Variants in MKLN1 observed in about 807,000 individuals in gnomAD.
MKLN1 encodes muskelin.
MKLN1 carries 18 observed loss-of-function variants against 99.0 expected under a neutral mutation model. The ratio of observed to expected loss-of-function variants is 0.18; its 90% confidence interval spans 0.13 to 0.27. The LOEUF is 0.27. Ranked by LOEUF, MKLN1 falls within the 10% of genes least tolerant of loss-of-function variation. The pLI is 1.00. For synonymous variants in MKLN1, 288 were observed against 293.2 expected (o/e 0.98, Z 0.18); for missense variants, 621 against 875.9 (o/e 0.71, Z 3.67).
chr7:131,165,259 C>T (rs1584802556), intron 2 of MKLN1, among the ~76,000 whole-genome samples: 1 of 152,192 alleles, frequency 6.6e-6, no homozygotes, highest in African/African-American at 2.4e-5. Flanking sequence ...GATCTCTGCT[C>T]ACTGCAACCT....
At chr7:131,369,360 C>T (rs1209887962) in intron 1 of MKLN1, among the ~76,000 whole-genome samples, 1 of 152,128 alleles carries the variant, frequency 6.6e-6, no homozygotes, top group Non-Finnish European at 1.5e-5. Flanking sequence ...TCTTTTCTCC[C>T]TAATTTTCTG....
intron 1 of MKLN1, among the ~76,000 whole-genome samples, chr7:131,134,066 T>G (rs945458358): frequency 8.7e-5 from 13 of 150,166 alleles, no homozygotes; most frequent in Non-Finnish European, 1.3e-4. Context: ...CTGACCTCAG[T>G]TGATCCACCT....
chr7:131,330,103 A>C (rs952069863), intron 1 of MKLN1, among the ~76,000 whole-genome samples: 8 of 151,608 alleles, frequency 5.3e-5, no homozygotes, highest in African/African-American at 1.5e-4. Flanking sequence ...AAATTATAAA[A>C]CTCTTGGCTC....
chr7:131,177,427 C>A (rs1472848198), intron 2 of MKLN1, among the ~76,000 whole-genome samples: 2 of 150,628 alleles, frequency 1.3e-5, no homozygotes, highest in Non-Finnish European at 2.9e-5. Context: ...CAAGATTGTG[C>A]CACTGGACTC....
chr7:131,273,540 T>A (rs183711214), intron 3 of MKLN1, among the ~76,000 whole-genome samples: 140 of 152,264 alleles, frequency 9.2e-4, no homozygotes, highest in African/African-American at 3.2e-3. Context: ...GGACTGTGGT[T>A]CAGCCGGCCA....
At chr7:131,228,381 G>T (rs937972198) in intron 3 of MKLN1, among the ~76,000 whole-genome samples, 4 of 152,176 alleles carry the variant, frequency 2.6e-5, no homozygotes, top group African/African-American at 9.7e-5. Flanking sequence ...GCCTCCCAAA[G>T]TGCTGGGATT....
At chr7:131,249,632 C>T (rs773204904) in intron 3 of MKLN1, among the ~76,000 whole-genome samples, 9 of 152,058 alleles carry the variant, frequency 5.9e-5, no homozygotes, top group Admixed American at 2.6e-4. Context: ...GAGCACTTAC[C>T]TCAAATTGGA....
chr7:131,403,730 G>T (rs1245444938), intron 6 of MKLN1, among the ~76,000 whole-genome samples: 1 of 152,170 alleles, frequency 6.6e-6, no homozygotes, highest in African/African-American at 2.4e-5. Flanking sequence ...GGAACTGCTG[G>T]TTTATGGAGA....
chr7:131,249,934 G>A (rs1278213413), intron 3 of MKLN1, among the ~76,000 whole-genome samples: 1 of 152,164 alleles, frequency 6.6e-6, no homozygotes, highest in Admixed American at 6.5e-5. Context: ...CTGACTTTCT[G>A]TCAGGGAAGG....
chr7:131,249,603 G>A (rs536592864), intron 3 of MKLN1, among the ~76,000 whole-genome samples: 29 of 152,284 alleles, frequency 1.9e-4, no homozygotes, highest in African/African-American at 6.5e-4. Context: ...AGCACAGGAA[G>A]CATTAGGAGA....
chr7:131,463,151 G>T, intron 12 of MKLN1, 66 bp from the exon 13 acceptor site: 1 of 1,324,610 alleles, frequency 7.5e-7, no homozygotes, highest in Non-Finnish European at 1.1e-6. Flanking sequence ...AGAAAGGAAG[G>T]AAGGAAGGAA....
At chr7:131,356,141 A>G (rs547627467) in intron 1 of MKLN1, among the ~76,000 whole-genome samples, 7 of 150,318 alleles carry the variant, frequency 4.7e-5, no homozygotes, top group Non-Finnish European at 1.0e-4. Context: ...CAAGCAAGCG[A>G]CTTGAGAAAC....
intron 2 of MKLN1, among the ~76,000 whole-genome samples, chr7:131,144,812 T>C (rs774255281): frequency 3.3e-5 from 5 of 151,836 alleles, no homozygotes; most frequent in Non-Finnish European, 7.4e-5. Flanking sequence ...ACCCCGTGTC[T>C]ACTAAAAATA....
intron 1 of MKLN1, among the ~76,000 whole-genome samples, chr7:131,370,295 G>A (rs1235838156): frequency 1.3e-5 from 2 of 150,558 alleles, no homozygotes; most frequent in Admixed American, 6.6e-5. Flanking sequence ...TCAGTTTCTG[G>A]GTTTGTGTTT....
intron 2 of MKLN1, among the ~76,000 whole-genome samples, chr7:131,184,788 A>C (rs1796425754): frequency 1.3e-5 from 2 of 152,168 alleles, no homozygotes; most frequent in Admixed American, 1.3e-4. Flanking sequence ...TGGCCTCCAA[A>C]GTGCTGGGAT....
intron 2 of MKLN1, among the ~76,000 whole-genome samples, chr7:131,156,332 C>T (rs1051714663): frequency 6.6e-6 from 1 of 151,328 alleles, no homozygotes; most frequent in Admixed American, 6.6e-5. Context: ...TCGAGACCAT[C>T]CTGGCAAACA....
chr7:131,251,847 TTTTGTAGAGATG>T lies in MKLN1; in HGVS notation c.-179+48889_-179+48900del, dbSNP rs547542601. The stretch of plus-strand genomic sequence containing the variant: ...ACCATGCCCAAGAAATTCTTGTATT[TTTTGTAGAGATG>T]TTTGTAGAGATGTTTTGCCATGTTT... On this transcript the variant is annotated intron_variant, in intron 3 of 7. Transcript: ENST00000416992. 3.4e-3 allele frequency among the ~76,000 whole-genome samples: 512 copies of T among 152,100 alleles called. 5 individuals carry two copies. The highest frequency in any genetic ancestry group is 3.0e-3 in the Non-Finnish European group (207 of 67,986).
chr7:131,139,212 A>C lies in MKLN1; in HGVS notation c.-418-3608A>C, dbSNP rs1795694989. Among the ~76,000 whole-genome samples the C allele has an allele frequency of 2.6e-5, 4 of 152,092 alleles. No homozygotes were observed. The South Asian group carries it at 8.3e-4, about 32-fold the overall frequency. ...TTTCATGGGAAGGTCTGAGGTCTGA[A>C]ACAGTACCCTGGGAGGATTCAGGGT... On this transcript the variant is annotated intron_variant, in intron 1 of 7. Coordinates refer to the MKLN1 transcript ENST00000416992.
intron 3 of MKLN1, among the ~76,000 whole-genome samples, chr7:131,251,384 G>C (rs1014205985): frequency 6.6e-6 from 1 of 152,154 alleles, no homozygotes; most frequent in Non-Finnish European, 1.5e-5. Context: ...TTGGCCGGTT[G>C]CTCTCAATTC....
Sources: gnomAD v4.1 joint callset for allele counts (sites outside exome capture counted in the v4.1 genomes callset) on GRCh38, gnomAD v4.1.1 for gene constraint, MANE v1.5 for transcripts, NCBI Gene and HGNC (gene_info 2026-07-23, HGNC 2026-07-21) for gene names.